SDCBP2: variants seen among roughly 807,000 people sequenced by gnomAD.
SDCBP2 encodes syntenin-2.
SDCBP2 carries 28 observed loss-of-function variants against 30.7 expected under a neutral mutation model. The observed-to-expected ratio is 0.91, with a 90% CI of 0.68 to 1.25. SDCBP2 has a LOEUF of 1.25. Among genes scored for constraint, SDCBP2 ranks in the 50% most tolerant of loss-of-function variants. The pLI, the probability that SDCBP2 is intolerant of heterozygous loss-of-function variation, is 0.00. For missense variants in SDCBP2, 399 were observed against 379.0 expected (o/e 1.05, Z -0.44); for synonymous variants, 166 against 157.3 (o/e 1.06, Z -0.41).
intron 3 of SDCBP2, 55 bp downstream of exon 3, chr20:1,319,535 A>C: frequency 6.6e-7 from 1 of 1,520,384 alleles, no homozygotes; most frequent in Non-Finnish European, 8.9e-7. Flanking sequence ...TTCCCTGATG[A>C]TCTCTTCCCT....
At position 1,313,436 on chromosome 20, in the gene SDCBP2, G is replaced by A. The variant is rs2088716216; in HGVS notation, c.288C>T (p.Gly96=). ...MVAPVTGYSL[G]VRRAEIKPGV... is the part of the protein sequence containing the mutation. ...CGGGCTTGATCTCAGCTCGCCGCAC[G>A]CCCAGGCTGTACCCGGTTACCGGTG... The change falls in exon 5 of 9, where the codon GGC becomes GGT. Residue 96 remains glycine (G), a synonymous_variant. Transcript: ENST00000360779. This position sits in a 1 kb window ranked among gnomAD's most constrained non-coding sequence, Gnocchi z 5.2. The A allele has an allele frequency of 6.2e-7, 1 of 1,602,572 alleles. No individual in the cohort carries two copies. The highest frequency in any genetic ancestry group is 1.7e-4 in the Middle Eastern group (1 of 5,968).
chr20:1,316,295 G>T (rs2088775984), intron 4 of SDCBP2, among the ~76,000 whole-genome samples: 1 of 152,168 alleles, frequency 6.6e-6, no homozygotes, highest in South Asian at 2.1e-4. Context: ...ATATAAAATA[G>T]TAATAATACC....
rs1402852138 is a variant in SDCBP2, at chr20:1,324,017, T to C, written c.-19-3582A>G. The C allele has an allele frequency of 6.6e-6, 1 of 152,178 alleles. No individual in the cohort carries two copies. Among genetic ancestry groups the C allele is most frequent in the Non-Finnish European group, 1.5e-5 (1 of 68,032 alleles). The allele number at this position is 152,178 out of a possible 1,614,324, so 9.4% of individuals were successfully genotyped here. A position where few individuals can be genotyped will look rare whatever the true frequency, so the allele number is the denominator to read the frequency against. ...ATTCAAAACATTTGAGTGTCCACTG[T>C]GTGCCAGACGTGCTGGTCCCTCTGC... On this transcript the variant is annotated intron_variant, in intron 1 of 8. Coordinates refer to ENST00000360779, the MANE Select transcript of SDCBP2 (RefSeq NM_080489.5). The surrounding 1 kb of genome is among the most constrained non-coding windows in gnomAD (Gnocchi z 4.7).
Position 1,311,060 on chromosome 20 carries a change from A to G in SDCBP2, c.733-169T>C, listed in dbSNP as rs947867353. 20 of 559,854 alleles carry G rather than the reference A, an allele frequency of 3.6e-5. No homozygotes were observed. In the Admixed American group the frequency reaches 3.6e-4, roughly 10 times the overall value. 34.7% of individuals were successfully genotyped at this position (559,854 alleles called of 1,614,324 possible). On this transcript the variant is annotated intron_variant, in intron 7 of 8. Transcript: ENST00000360779. ...GAGCCTGTCAGATGAGGGTCCCAGC[A>G]GACTCCCAGGTAAGGTCTTGCTTGA... is the stretch of plus-strand genomic sequence containing the variant.
At chr20:1,325,513 C>G (rs1195731218) in intron 1 of SDCBP2, 1 of 152,216 alleles carries the variant, frequency 6.6e-6, no homozygotes, top group Non-Finnish European at 1.5e-5. Flanking sequence ...GCGCCGGCAT[C>G]CACAAAAATA....
chr20:1,323,244 C>A (rs921774056), intron 1 of SDCBP2: 7 of 152,148 alleles, frequency 4.6e-5, no homozygotes, highest in Admixed American at 3.9e-4. Flanking sequence ...GGAAGAGACC[C>A]CTTTGCTTAT....
intron 1 of SDCBP2, chr20:1,322,894 G>A (rs970049888): frequency 1.3e-5 from 2 of 152,154 alleles, no homozygotes; most frequent in African/African-American, 4.8e-5. Flanking sequence ...ATCTGAATTA[G>A]TGCCAATATT....
At position 1,310,479 on chromosome 20, in the gene SDCBP2, G is replaced by A. The variant is rs767787471; in HGVS notation, c.841C>T (p.Leu281Phe). The change falls in exon 9 of 9, where the codon CTC becomes TTC. Residue 281 changes from leucine (L) to phenylalanine (F), a missense_variant. Leu to Phe is a conservative substitution (Grantham distance 22, BLOSUM62 0). Transcript: ENST00000360779. ...HMVKKLPPVL[L>F]HHTMDHSIPD... ...ATGGAGTGGTCCATGGTGTGGTGGAGCAGGACTGGAGGCAACCTGGATACA... is the reference window on the plus strand; with the variant it reads ...ATGGAGTGGTCCATGGTGTGGTGGAACAGGACTGGAGGCAACCTGGATACA... 5.6e-6 allele frequency: 9 copies of A among 1,613,770 alleles called. No homozygotes were observed. The highest frequency in any genetic ancestry group is 7.6e-6 in the Non-Finnish European group (9 of 1,179,996).
intron 4 of SDCBP2, among the ~76,000 whole-genome samples, chr20:1,314,513 G>GAAAA (rs2088743682): frequency 1.2e-5 from 1 of 84,084 alleles, no homozygotes; most frequent in Non-Finnish European, 2.5e-5. Flanking sequence ...AAAAAAAAAG[G>GAAAA]AAAGGAAAGG....
At position 1,312,612 on chromosome 20, in the gene SDCBP2, T is replaced by G; in HGVS notation, c.535A>C (p.Lys179Gln). Reference sequence around the variant, plus strand: ...CTGTCCCGAACCACCACGACAATCTTATCGCCTGATGCCTTCTTCACCACC... The same window carrying G: ...CTGTCCCGAACCACCACGACAATCTGATCGCCTGATGCCTTCTTCACCACC... ...HQVVKKASGD[K>Q]IVVVVRDRPF... is the part of the protein sequence containing the mutation. Residue 179 changes from lysine to glutamine, a missense_variant, in exon 6 of 9, where the codon AAG becomes CAG. Lys to Gln is a moderately conservative substitution (Grantham distance 53). Coordinates refer to ENST00000360779, the MANE Select transcript of SDCBP2 (RefSeq NM_080489.5). 1 of 1,614,088 alleles carries G rather than the reference T, an allele frequency of 6.2e-7. No homozygotes were observed. Among genetic ancestry groups the G allele is most frequent in the Middle Eastern group, 1.7e-4 (1 of 6,060 alleles).
intron 4 of SDCBP2, among the ~76,000 whole-genome samples, chr20:1,315,255 C>T (rs567774696): frequency 1.5e-3 from 235 of 152,250 alleles, no homozygotes; most frequent in Non-Finnish European, 2.3e-3. Flanking sequence ...GTTGGCTGGG[C>T]GCAGTGGCTC....
chr20:1,325,191 CCTAT>C (rs150128624), intron 1 of SDCBP2, among the ~76,000 whole-genome samples: 32 of 152,340 alleles, frequency 2.1e-4, no homozygotes, highest in East Asian at 5.8e-4. Context: ...GCCTCAGTTT[CCTAT>C]CTGTCACATC....
chr20:1,325,961 T>A (rs1410927675), intron 1 of SDCBP2: 1 of 151,984 alleles, frequency 6.6e-6, no homozygotes, highest in Non-Finnish European at 1.5e-5. Flanking sequence ...TAGGGAAGGG[T>A]TCTTGGCTTG....
In SDCBP2 at chr20:1,310,913, G is replaced by A. The variant is rs750966009; in HGVS notation, c.733-22C>T. The A allele has an allele frequency of 8.8e-6, 14 of 1,589,836 alleles. No individual in the cohort carries two copies. In the East Asian group the frequency reaches 8.9e-5, roughly 10 times the overall value. On this transcript the variant is annotated intron_variant, in intron 7 of 8. Transcript: ENST00000360779. Reference sequence around the variant, plus strand: ...TGTCCTAGGGAGGAGGCAAGTAAGCGATCACCCTAAGGATTGGGGACCAGG... The same window carrying A: ...TGTCCTAGGGAGGAGGCAAGTAAGCAATCACCCTAAGGATTGGGGACCAGG...
intron 4 of SDCBP2, among the ~76,000 whole-genome samples, chr20:1,314,138 C>T (rs2088732399): frequency 6.6e-6 from 1 of 152,206 alleles, no homozygotes; most frequent in Admixed American, 6.5e-5. Context: ...AATTAACACA[C>T]AAGATTCAAT....
At chr20:1,319,278 C>A (rs1169058493) in intron 3 of SDCBP2, among the ~76,000 whole-genome samples, 4 of 152,192 alleles carry the variant, frequency 2.6e-5, no homozygotes, top group African/African-American at 7.2e-5. Context: ...TCAAGGCAGC[C>A]TTGCTGGGGG....
chr20:1,318,776 C>T (rs1353658489), intron 3 of SDCBP2, among the ~76,000 whole-genome samples: 1 of 152,194 alleles, frequency 6.6e-6, no homozygotes, highest in Non-Finnish European at 1.5e-5. Context: ...ACAGAGGGCT[C>T]ATGCATGCGC....
At chr20:1,328,551 C>T (rs952282159) in intron 1 of SDCBP2, among the ~76,000 whole-genome samples, 4 of 152,190 alleles carry the variant, frequency 2.6e-5, no homozygotes, top group African/African-American at 7.2e-5. Context: ...CCAGTATGTC[C>T]TTCCATTCTC....
At position 1,313,554 on chromosome 20, in the gene SDCBP2, G is replaced by A; in HGVS notation, c.226-56C>T. The A allele has an allele frequency of 2.0e-6, 3 of 1,504,508 alleles. No individual in the cohort carries two copies. Among genetic ancestry groups the A allele is most frequent in the Non-Finnish European group, 1.8e-6 (2 of 1,129,140 alleles). The allele number at this position is 1,504,508 out of a possible 1,614,324, so 93.2% of individuals were successfully genotyped here. A position where few individuals can be genotyped will look rare whatever the true frequency, so the allele number is the denominator to read the frequency against. ...CGGCCCGTGGGGACCCTGTGCCTCA[G>A]GAGACACTGGGGTGGGGGTAGGGAT... is the stretch of plus-strand genomic sequence containing the variant. On this transcript the variant is annotated intron_variant, in intron 4 of 8. Transcript: ENST00000360779. This position sits in a 1 kb window ranked among gnomAD's most constrained non-coding sequence, Gnocchi z 5.2.
Sources: allele counts gnomAD v4.1 joint callset (sites outside exome capture counted in the v4.1 genomes callset), GRCh38; gene constraint gnomAD v4.1.1; non-coding constraint Gnocchi (gnomAD v3.1); transcripts MANE v1.5; gene names NCBI Gene and HGNC (gene_info 2026-07-23, HGNC 2026-07-21).